Variants in MDGA2 observed in about 807,000 individuals in gnomAD.
MDGA2 encodes the protein MAM domain containing glycosylphosphatidylinositol anchor 2.
Under a neutral mutation model 117.8 loss-of-function variants are expected in MDGA2, and 40 were observed. The ratio of observed to expected loss-of-function variants is 0.34; its 90% confidence interval spans 0.26 to 0.44. MDGA2 has a LOEUF of 0.44. Ranked by LOEUF, MDGA2 falls within the 20% of genes least tolerant of loss-of-function variation. MDGA2 has a pLI of 1.00. For synonymous variants in MDGA2, 452 were observed against 439.0 expected, an observed-to-expected ratio of 1.03 and a Z score of -0.37; for missense variants, 1,123 against 1,250.6, an observed-to-expected ratio of 0.90 and a Z score of 1.54.
chr14:46,882,419 A>G (rs148468301), intron 10 of MDGA2, among the ~76,000 whole-genome samples, 198 bp from the exon 11 acceptor site: 1 of 151,880 alleles, frequency 6.6e-6, no homozygotes, highest in African/African-American at 2.4e-5. Flanking sequence ...TAATTGCCAA[A>G]TGATCAGAGG....
intron 8 of MDGA2, among the ~76,000 whole-genome samples, chr14:47,034,401 C>T (rs1354599799): frequency 2.6e-5 from 4 of 151,944 alleles, no homozygotes; most frequent in Non-Finnish European, 5.9e-5. Flanking sequence ...AACAATTACC[C>T]GCTAAGATTA....
intron 1 of MDGA2, among the ~76,000 whole-genome samples, chr14:47,310,178 T>C (rs1889589788): frequency 6.6e-6 from 1 of 152,020 alleles, no homozygotes; most frequent in South Asian, 2.1e-4. Flanking sequence ...CCTAGAAGAG[T>C]TCCCTATTAG....
intron 7 of MDGA2, among the ~76,000 whole-genome samples, chr14:47,053,597 A>ATGTG (rs1487950481): frequency 1.3e-4 from 10 of 77,346 alleles, no homozygotes; most frequent in Non-Finnish European, 2.0e-4. Context: ...CCTAGTGTGT[A>ATGTG]TGTGTATATA....
At chr14:47,361,278 C>A (rs75995877) in intron 1 of MDGA2, among the ~76,000 whole-genome samples, 6,044 of 150,424 alleles carry the variant, frequency 0.04, 292 homozygotes, top group East Asian at 0.13. Context: ...CTTGTGTGCG[C>A]AGAGGTACAA....
At chr14:47,170,878 T>G (rs1019527877) in intron 3 of MDGA2, among the ~76,000 whole-genome samples, 3 of 152,184 alleles carry the variant, frequency 2.0e-5, no homozygotes, top group Non-Finnish European at 4.4e-5. Context: ...ATTTTTTAAG[T>G]TAACGACGTG....
chr14:47,415,497 G>A (rs1018437265), intron 1 of MDGA2, among the ~76,000 whole-genome samples: 1 of 151,944 alleles, frequency 6.6e-6, no homozygotes, highest in Non-Finnish European at 1.5e-5. Context: ...TCAGTATATA[G>A]TTATAATTGT....
chr14:46,855,110 C>T lies in MDGA2; in HGVS notation c.2797G>A (p.Glu933Lys). The change falls in exon 15 of 17, where the codon GAG (glutamate) becomes AAG (lysine). Residue 933 changes from glutamate (E) to lysine (K), a missense_variant. Glu to Lys is a moderately conservative substitution (Grantham distance 56). Transcript: ENST00000399232. The surrounding 1 kb of genome is among the most constrained non-coding windows in gnomAD (Gnocchi z 4.1). Reference protein sequence around the residue: ...YLRLKGQTTIENPLWSSSGNK... With the variant: ...YLRLKGQTTIKNPLWSSSGNK... ...CCACTTGAAGACCACAGTGGATTCT[C>T]TATTGTTGTTTGCCCTTTCAAACGT... The T allele has an allele frequency of 6.2e-7, 1 of 1,611,322 alleles. No individual in the cohort carries two copies. Among genetic ancestry groups the T allele is most frequent in the East Asian group, 2.2e-5 (1 of 44,628 alleles).
At position 47,430,262 on chromosome 14, in the gene MDGA2, CT is replaced by C. The variant is rs1264581724; in HGVS notation, c.281-128713del. Among the ~76,000 whole-genome samples the C allele has an allele frequency of 2.2e-3, 342 of 152,070 alleles. 3 individuals carry two copies. The highest frequency in any genetic ancestry group is 8.0e-3 in the African/African-American group (330 of 41,508). On this transcript the variant is annotated intron_variant, in intron 1 of 16. Transcript: ENST00000399232. Reference sequence around the variant, plus strand: ...GCAGGAGATAATGGAAGTAAAGCCACTAAAACAGGCTGATGAGTTGATCAGA... The same window carrying C: ...GCAGGAGATAATGGAAGTAAAGCCACAAAACAGGCTGATGAGTTGATCAGA...
chr14:47,532,479 G>A (rs547755350), intron 1 of MDGA2, among the ~76,000 whole-genome samples: 2 of 152,030 alleles, frequency 1.3e-5, no homozygotes, highest in Non-Finnish European at 1.5e-5. Flanking sequence ...CATCTTAATA[G>A]TTACCCATAG....
At chr14:46,935,803 GCA>G (rs1884757659) in intron 9 of MDGA2, among the ~76,000 whole-genome samples, 2 of 152,122 alleles carry the variant, frequency 1.3e-5, no homozygotes. Context: ...AGTGTGGAAT[GCA>G]GGGATCGGTA....
intron 2 of MDGA2, among the ~76,000 whole-genome samples, chr14:47,244,892 C>A (rs1376523553): frequency 6.6e-6 from 1 of 151,778 alleles, no homozygotes; most frequent in Non-Finnish European, 1.5e-5. Context: ...GACAGCAAGA[C>A]CAAGTGCTCC....
intron 15 of MDGA2, among the ~76,000 whole-genome samples, chr14:46,850,465 C>G (rs1344033055): frequency 6.6e-6 from 1 of 151,764 alleles, no homozygotes; most frequent in South Asian, 2.1e-4. Context: ...TGACAAAAGG[C>G]AAATCACTTC....
chr14:47,439,654 C>G (rs1204292788), intron 1 of MDGA2, among the ~76,000 whole-genome samples: 2 of 151,908 alleles, frequency 1.3e-5, no homozygotes, highest in African/African-American at 2.4e-5. Context: ...ATTATTTGTA[C>G]CTACAGGGAT....
intron 3 of MDGA2, among the ~76,000 whole-genome samples, chr14:47,214,190 C>A (rs1422820452): frequency 2.0e-5 from 3 of 152,014 alleles, no homozygotes; most frequent in Non-Finnish European, 2.9e-5. Context: ...ATGGGGGAAA[C>A]TATGTTCAGC....
At chr14:47,285,290 C>T (rs1404273407) in intron 2 of MDGA2, among the ~76,000 whole-genome samples, 1 of 152,042 alleles carries the variant, frequency 6.6e-6, no homozygotes, top group Non-Finnish European at 1.5e-5. Flanking sequence ...AATGTTTTAG[C>T]ATACACTTTT....
intron 1 of MDGA2, among the ~76,000 whole-genome samples, chr14:47,506,980 A>T (rs1296193069): frequency 6.6e-6 from 1 of 151,882 alleles, no homozygotes; most frequent in Non-Finnish European, 1.5e-5. Flanking sequence ...AAGAAGAGAC[A>T]AAAAGGCTGC....
intron 1 of MDGA2, among the ~76,000 whole-genome samples, chr14:47,484,740 G>C (rs1445804641): frequency 1.3e-5 from 2 of 152,082 alleles, no homozygotes; most frequent in African/African-American, 2.4e-5. Context: ...TTCCCATGCT[G>C]TTCTCCTAAT....
chr14:47,073,168 A>C (rs1890356168), intron 6 of MDGA2, among the ~76,000 whole-genome samples: 1 of 152,216 alleles, frequency 6.6e-6, no homozygotes, highest in South Asian at 2.1e-4. Context: ...TTAAGAATGT[A>C]ACCAACTATC....
At chr14:47,294,295 T>C (rs1278411977) in intron 2 of MDGA2, among the ~76,000 whole-genome samples, 2 of 151,806 alleles carry the variant, frequency 1.3e-5, no homozygotes, top group Non-Finnish European at 2.9e-5. Context: ...CAAGGTTTCG[T>C]CATGTTGCCC....
Sources: allele counts gnomAD v4.1 joint callset (sites outside exome capture counted in the v4.1 genomes callset), GRCh38; gene constraint gnomAD v4.1.1; non-coding constraint Gnocchi (gnomAD v3.1); transcripts MANE v1.5; gene names NCBI Gene and HGNC (gene_info 2026-07-23, HGNC 2026-07-21).